ROBO1: variants seen among roughly 807,000 people sequenced by gnomAD.
ROBO1 encodes the protein roundabout homolog 1.
In ROBO1, 149 loss-of-function variants were observed where a neutral mutation model predicts 195.9. The observed-to-expected ratio is 0.76, with a 90% CI of 0.67 to 0.87. ROBO1 has a LOEUF of 0.87. Ranked by LOEUF, ROBO1 falls within the 40% of genes least tolerant of loss-of-function variation. The pLI, the probability that ROBO1 is intolerant of heterozygous loss-of-function variation, is 0.00. For missense variants in ROBO1, 1,933 were observed against 2,068.3 expected (o/e 0.93, Z 1.27); for synonymous variants, 816 against 733.2 (o/e 1.11, Z -1.82).
At chr3:79,259,042 T>C (rs1335971102) in intron 2 of ROBO1, among the ~76,000 whole-genome samples, 1 of 152,106 alleles carries the variant, frequency 6.6e-6, no homozygotes, top group Non-Finnish European at 1.5e-5. Flanking sequence ...ACCCTAAACT[T>C]TAATATTCAA....
rs189127737 is a variant in ROBO1, at chr3:79,486,411, A to T, written c.88+103413T>A. Among the ~76,000 whole-genome samples, 536 of 152,218 alleles carry T rather than the reference A, an allele frequency of 3.5e-3. 2 individuals carry two copies. The highest frequency in any genetic ancestry group is 6.5e-3 in the Non-Finnish European group (439 of 68,008). On this transcript the variant is annotated intron_variant, in intron 2 of 30. Coordinates refer to ENST00000464233, the MANE Select transcript of ROBO1 (RefSeq NM_002941.4). ...CCACCCCAGAGAGTGTTAAACTTTT[A>T]TTCTCTACTTTCCCAGAATAAGTAC...
chr3:79,458,618 A>C (rs1218465628), intron 2 of ROBO1, among the ~76,000 whole-genome samples: 1 of 152,144 alleles, frequency 6.6e-6, no homozygotes, highest in Non-Finnish European at 1.5e-5. Flanking sequence ...CAAAAATACG[A>C]ATCTAAGAAA....
chr3:79,405,459 A>G (rs2037511186), intron 2 of ROBO1, among the ~76,000 whole-genome samples: 1 of 152,348 alleles, frequency 6.6e-6, no homozygotes, highest in Admixed American at 6.5e-5. Context: ...GCTCACTGAC[A>G]AATCCTATCA....
intron 2 of ROBO1, among the ~76,000 whole-genome samples, chr3:79,568,236 A>G (rs1276558251): frequency 6.6e-6 from 1 of 152,204 alleles, no homozygotes; most frequent in South Asian, 2.1e-4. Context: ...GCAAAGATAA[A>G]TGATTTTGTA....
At chr3:78,908,150 G>A (rs972477735) in intron 4 of ROBO1, among the ~76,000 whole-genome samples, 1 of 133,142 alleles carries the variant, frequency 7.5e-6, no homozygotes, top group African/African-American at 3.0e-5. Context: ...ATATATAACT[G>A]AATTAACATT....
At chr3:79,024,503 G>C (rs72892023) in intron 3 of ROBO1, among the ~76,000 whole-genome samples, 4,843 of 152,262 alleles carry the variant, frequency 0.032, 253 homozygotes, top group African/African-American at 0.11. Context: ...GAGAGGCTCA[G>C]TAGCCAGGGA....
intron 4 of ROBO1, among the ~76,000 whole-genome samples, chr3:78,792,912 C>A (rs2084066295): frequency 6.6e-6 from 1 of 151,892 alleles, no homozygotes; most frequent in South Asian, 2.1e-4. Flanking sequence ...CCAGCCTGGG[C>A]AACAGAGTAG....
intron 1 of ROBO1, among the ~76,000 whole-genome samples, chr3:79,739,268 C>T (rs1393003502): frequency 6.6e-6 from 1 of 152,064 alleles, no homozygotes; most frequent in African/African-American, 2.4e-5. Flanking sequence ...TCTAAGACTG[C>T]CAGTTAGTCA....
chr3:78,985,701 A>C (rs1269793406), intron 3 of ROBO1, among the ~76,000 whole-genome samples: 3 of 152,210 alleles, frequency 2.0e-5, no homozygotes, highest in Admixed American at 1.3e-4. Context: ...AAGTTACCAA[A>C]TATCCCAGGA....
At chr3:79,137,439 C>G (rs1418153103) in intron 2 of ROBO1, among the ~76,000 whole-genome samples, 1 of 146,368 alleles carries the variant, frequency 6.8e-6, no homozygotes, top group African/African-American at 2.5e-5. Context: ...TGTTTTTTTT[C>G]TCATTTTCTG....
At chr3:79,505,165 A>C (rs966803528) in intron 2 of ROBO1, among the ~76,000 whole-genome samples, 2 of 152,184 alleles carry the variant, frequency 1.3e-5, no homozygotes, top group Admixed American at 1.3e-4. Context: ...TTAACTGAAG[A>C]ATTCAGCTCT....
chr3:78,819,992 C>T (rs1237739360), intron 4 of ROBO1, among the ~76,000 whole-genome samples: 3 of 152,108 alleles, frequency 2.0e-5, no homozygotes, highest in Non-Finnish European at 4.4e-5. Context: ...TTCAGTTTTC[C>T]GTGTCTATAA....
At chr3:79,420,816 G>A (rs1027294459) in intron 2 of ROBO1, among the ~76,000 whole-genome samples, 6 of 152,086 alleles carry the variant, frequency 3.9e-5, no homozygotes, top group Non-Finnish European at 8.8e-5. Context: ...GAAAGCAGTG[G>A]ACAATTTCTC....
intron 2 of ROBO1, among the ~76,000 whole-genome samples, chr3:79,191,900 G>A (rs9831883): frequency 3.3e-5 from 5 of 151,490 alleles, no homozygotes; most frequent in Non-Finnish European, 7.4e-5. Flanking sequence ...CTTACATTCA[G>A]TAAAGTTTCA....
intron 26 of ROBO1, among the ~76,000 whole-genome samples, chr3:78,621,096 G>T (rs1704430755): frequency 6.6e-6 from 1 of 151,034 alleles, no homozygotes; most frequent in African/African-American, 2.4e-5. Context: ...TTCATTTCTG[G>T]GTGGTTTTTA....
At chr3:79,069,231 C>G (rs998102534) in intron 3 of ROBO1, among the ~76,000 whole-genome samples, 1 of 151,788 alleles carries the variant, frequency 6.6e-6, no homozygotes, top group African/African-American at 2.4e-5. Context: ...TCAATTTATG[C>G]AAATTGTATC....
chr3:78,917,148 G>T (rs2038656460), intron 4 of ROBO1, among the ~76,000 whole-genome samples: 1 of 143,586 alleles, frequency 7.0e-6, no homozygotes, highest in East Asian at 2.1e-4. Flanking sequence ...CCAGGCTGGA[G>T]TGCAGAGGCA....
At position 78,693,382 on chromosome 3, in the gene ROBO1, A is replaced by G. The variant is rs977632022; in HGVS notation, c.1046-4610T>C. On this transcript the variant is annotated intron_variant, in intron 8 of 30. Transcript: ENST00000464233. ...CTAAAACAAAACAAAAAAAGAAAACATGGAATAAATAAAAATAAGGAAACA... is the reference window on the plus strand; with the variant it reads ...CTAAAACAAAACAAAAAAAGAAAACGTGGAATAAATAAAAATAAGGAAACA... 4.8e-6 allele frequency: 7 copies of G among 1,460,012 alleles called. No homozygotes were observed. In the Admixed American group the frequency reaches 1.4e-4, roughly 29 times the overall value. 90.4% of individuals were successfully genotyped at this position (1,460,012 alleles called of 1,614,324 possible).
At chr3:79,342,665 G>GA (rs147988384) in intron 2 of ROBO1, among the ~76,000 whole-genome samples, 2 of 151,984 alleles carry the variant, frequency 1.3e-5, no homozygotes, top group African/African-American at 4.8e-5. Flanking sequence ...GTAAGGGAGG[G>GA]AAAAAAGGAT....
Sources: gnomAD v4.1 joint callset for allele counts (sites outside exome capture counted in the v4.1 genomes callset) on GRCh38, gnomAD v4.1.1 for gene constraint, MANE v1.5 for transcripts, NCBI Gene and HGNC (gene_info 2026-07-23, HGNC 2026-07-21) for gene names.